Variants in ATP5PO observed in about 807,000 individuals in gnomAD.
The protein encoded by ATP5PO is ATP synthase peripheral stalk subunit OSCP, mitochondrial.
Under a neutral mutation model 26.2 loss-of-function variants are expected in ATP5PO, and 14 were observed. That is an observed-to-expected ratio of 0.53 (90% CI 0.35 to 0.83). ATP5PO has a LOEUF of 0.83. ATP5PO is among the 40% of genes least tolerant of loss of function. ATP5PO has a pLI of 0.01. For missense variants in ATP5PO, 241 were observed against 258.5 expected (o/e 0.93, Z 0.46); for synonymous variants, 106 against 95.1 (o/e 1.12, Z -0.67).
rs546175366 is a variant in ATP5PO at position 33,905,233 on chromosome 21, C to T, written c.442-1212G>A. ...ATGATTTACTGAGACTAAAAGGTTACAGAATTCTGAAATATACATACCCTC... is the reference window on the plus strand; with the variant it reads ...ATGATTTACTGAGACTAAAAGGTTATAGAATTCTGAAATATACATACCCTC... On this transcript the variant is annotated intron_variant, in intron 5 of 6. Transcript: ENST00000290299. Among the ~76,000 whole-genome samples the T allele has an allele frequency of 7.2e-5, 11 of 152,236 alleles. No individual in the cohort carries two copies. In the South Asian group the frequency reaches 2.3e-3, roughly 32 times the overall value.
chr21:33,912,763 T>C (rs1247310472), intron 2 of ATP5PO, among the ~76,000 whole-genome samples: 1 of 152,220 alleles, frequency 6.6e-6, no homozygotes, highest in Non-Finnish European at 1.5e-5. Flanking sequence ...GTATGGGAGG[T>C]TGTGAACACT....
At chr21:33,905,918 G>GA (rs59334506) in intron 5 of ATP5PO, among the ~76,000 whole-genome samples, 13,817 of 98,576 alleles carry the variant, frequency 0.14, 981 homozygotes, top group East Asian at 0.22. Context: ...TCTCAAAAAA[G>GA]AAAAAAAAAA....
chr21:33,912,943 GAATT>G (rs1467691599), intron 2 of ATP5PO, among the ~76,000 whole-genome samples: 1 of 152,190 alleles, frequency 6.6e-6, no homozygotes, highest in African/African-American at 2.4e-5. Flanking sequence ...CCTGATGCTT[GAATT>G]ATTTTTCACA....
Position 33,903,458 on chromosome 21 carries a change from T to C in ATP5PO, c.*68A>G, listed in dbSNP as rs1987127825. 1.5e-6 allele frequency: 2 copies of C among 1,337,554 alleles called. No individual in the cohort carries two copies. The highest frequency in any genetic ancestry group is 1.5e-5 in the African/African-American group (1 of 68,400). The allele number at this position is 1,337,554 out of a possible 1,614,324, so 82.9% of individuals were successfully genotyped here. ...AAAAGACAGTGAACATAATATGATC[T>C]GTTCTGGAAGCTTTTTATTGTTGCT... On this transcript the variant is annotated 3_prime_UTR_variant, in exon 7 of 7. Coordinates refer to ENST00000290299, the MANE Select transcript of ATP5PO (RefSeq NM_001697.3).
At chr21:33,908,169 C>CAAAAA (rs34768404) in intron 4 of ATP5PO, among the ~76,000 whole-genome samples, 14 of 97,670 alleles carry the variant, frequency 1.4e-4, no homozygotes, top group African/African-American at 5.6e-4. Context: ...CACCCAGGCT[C>CAAAAA]AAAAAAAAAA....
intron 1 of ATP5PO, chr21:33,915,420 A>G: frequency 2.1e-6 from 1 of 467,312 alleles, no homozygotes; most frequent in Non-Finnish European, 3.8e-6. Context: ...GGGCTAGTCC[A>G]TGCCCCTTCC....
At chr21:33,904,698 T>A (rs1325518803) in intron 5 of ATP5PO, among the ~76,000 whole-genome samples, 1 of 152,214 alleles carries the variant, frequency 6.6e-6, no homozygotes, top group South Asian at 2.1e-4. Flanking sequence ...AGTTATGTTA[T>A]AGTGTTAAGT....
chr21:33,914,029 C>T (rs778140751), intron 2 of ATP5PO, among the ~76,000 whole-genome samples: 3 of 152,116 alleles, frequency 2.0e-5, no homozygotes, highest in East Asian at 1.9e-4. Context: ...CTGCCCACCT[C>T]GGCCTCCCAA....
chr21:33,907,964 TG>T (rs1174739290), intron 4 of ATP5PO, among the ~76,000 whole-genome samples: 1 of 151,988 alleles, frequency 6.6e-6, no homozygotes, highest in Non-Finnish European at 1.5e-5. Flanking sequence ...GGTGAAACCC[TG>T]GGTAACATGG....
Position 33,903,640 on chromosome 21 carries a change from C to T in ATP5PO, c.529-1G>A. 6.2e-7 allele frequency: 1 copy of T among 1,613,872 alleles called. No individual in the cohort carries two copies. Among genetic ancestry groups the T allele is most frequent in the East Asian group, 2.2e-5 (1 of 44,882 alleles). On this transcript the variant is annotated splice_acceptor_variant, in intron 6 of 6. Transcript: ENST00000290299. LOFTEE classifies it high-confidence loss of function. ...TTCCACCCAAGATTGACGGATCAGT[C>T]TACAAAAGAAGTAAGACTGGAAATG...
At chr21:33,907,246 A>C (rs1453705702) in intron 5 of ATP5PO, 95 bp downstream of exon 5, 2 of 1,110,798 alleles carry the variant, frequency 1.8e-6, no homozygotes, top group African/African-American at 1.6e-5. Context: ...ACCTTTCCCA[A>C]TTTCTTGATT....
At position 33,903,457 on chromosome 21, in the gene ATP5PO, C is replaced by G. The variant is rs771915878; in HGVS notation, c.*69G>C. On this transcript the variant is annotated 3_prime_UTR_variant, in exon 7 of 7. Coordinates refer to ENST00000290299, the MANE Select transcript of ATP5PO (RefSeq NM_001697.3). The stretch of plus-strand genomic sequence containing the variant: ...TAAAAGACAGTGAACATAATATGAT[C>G]TGTTCTGGAAGCTTTTTATTGTTGC... 1.3e-5 allele frequency: 17 copies of G among 1,314,946 alleles called. No individual in the cohort carries two copies. The highest frequency in any genetic ancestry group is 1.8e-5 in the Non-Finnish European group (17 of 934,354). The allele number at this position is 1,314,946 out of a possible 1,614,324, so 81.5% of individuals were successfully genotyped here.
At chr21:33,909,051 A>G (rs760050253) in intron 4 of ATP5PO, 31 bp downstream of exon 4, 3 of 1,568,010 alleles carry the variant, frequency 1.9e-6, no homozygotes, top group Non-Finnish European at 2.6e-6. Context: ...TAGTTTCAAG[A>G]CACCTCAAAT....
Position 33,914,642 on chromosome 21 carries a change from A to G in ATP5PO, c.37-142T>C, listed in dbSNP as rs1987290814. 6 of 712,204 alleles carry G rather than the reference A, an allele frequency of 8.4e-6. No individual in the cohort carries two copies. In the South Asian group the frequency reaches 1.2e-4, roughly 14 times the overall value. 44.1% of individuals were successfully genotyped at this position (712,204 alleles called of 1,614,324 possible). A position where few individuals can be genotyped will look rare whatever the true frequency, so the allele number is the denominator to read the frequency against. On this transcript the variant is annotated intron_variant, in intron 1 of 6. Transcript: ENST00000290299. Reference sequence around the variant, plus strand: ...TATATTCACATATTACATGAGGGTGAGCTACTTACTATTACTAAGGGGTAA... The same window carrying G: ...TATATTCACATATTACATGAGGGTGGGCTACTTACTATTACTAAGGGGTAA...
chr21:33,909,251 C>G (rs1449074123), intron 3 of ATP5PO, 40 bp from the exon 4 acceptor site: 9 of 1,595,546 alleles, frequency 5.6e-6, no homozygotes, highest in African/African-American at 1.4e-5. Flanking sequence ...TTTTTTAGAG[C>G]ACAAATGAAG....
At chr21:33,904,890 G>A (rs1436243917) in intron 5 of ATP5PO, among the ~76,000 whole-genome samples, 1 of 152,074 alleles carries the variant, frequency 6.6e-6, no homozygotes, top group Non-Finnish European at 1.5e-5. Context: ...ACAGGCGCAT[G>A]CCATCACACC....
intron 5 of ATP5PO, among the ~76,000 whole-genome samples, chr21:33,904,381 GA>G (rs58044124): frequency 0.019 from 2,827 of 152,310 alleles, 95 homozygotes; most frequent in African/African-American, 0.064. Context: ...AATGCAGGAG[GA>G]CACAGGCCTC....
chr21:33,910,862 T>C (rs1029313858), intron 3 of ATP5PO, among the ~76,000 whole-genome samples: 4 of 152,278 alleles, frequency 2.6e-5, no homozygotes, highest in East Asian at 1.9e-4. Flanking sequence ...GAAGTTCCAA[T>C]AGAAGCTCAA....
Position 33,915,785 on chromosome 21 carries a change from T to G in ATP5PO, c.-22A>C. The G allele has an allele frequency of 6.4e-7, 1 of 1,561,726 alleles. No individual in the cohort carries two copies. Among genetic ancestry groups the G allele is most frequent in the Non-Finnish European group, 8.7e-7 (1 of 1,154,266 alleles). On this transcript the variant is annotated 5_prime_UTR_variant, in exon 1 of 7. Transcript: ENST00000290299. The stretch of plus-strand genomic sequence containing the variant: ...CCATCTTCTCCCGGGCGGCTGTAGG[T>G]CAAACCCGAGTGGGAAGAGAGAAAC...
Sources: allele counts gnomAD v4.1 joint callset (sites outside exome capture counted in the v4.1 genomes callset), GRCh38; gene constraint gnomAD v4.1.1; transcripts MANE v1.5; gene names NCBI Gene and HGNC (gene_info 2026-07-23, HGNC 2026-07-21).